The following EDIL3 variants were observed in gnomAD, a reference collection of about 807,000 sequenced individuals.
EDIL3 encodes EGF-like repeat and discoidin I-like domain-containing protein 3.
A neutral mutation model predicts 67.4 loss-of-function variants in EDIL3; 37 were observed. The ratio of observed to expected loss-of-function variants is 0.55; its 90% CI spans 0.42 to 0.72. EDIL3 has a LOEUF of 0.72. Among genes scored for constraint, EDIL3 ranks in the 30% least tolerant of loss-of-function variants. EDIL3 has a pLI of 0.00. For missense variants in EDIL3, 527 were observed against 586.3 expected (o/e 0.90, Z 1.04); for synonymous variants, 195 against 196.3 (o/e 0.99, Z 0.05).
intron 4 of EDIL3, among the ~76,000 whole-genome samples, chr5:84,160,848 CTTTCT>C (rs1458971223): frequency 2.0e-4 from 22 of 111,870 alleles, no homozygotes; most frequent in African/African-American, 3.3e-4. Context: ...TTTTCCTTTC[CTTTCT>C]TTTCTTTTCT....
chr5:84,159,791 C>T (rs1748571882), intron 4 of EDIL3, among the ~76,000 whole-genome samples: 3 of 152,032 alleles, frequency 2.0e-5, no homozygotes. Flanking sequence ...GCATAAAACA[C>T]AGTATTCCCT....
chr5:84,181,327 T>G (rs1749009128), intron 3 of EDIL3: 1 of 152,242 alleles, frequency 6.6e-6, no homozygotes, highest in Non-Finnish European at 1.5e-5. Context: ...CCACAGGATC[T>G]GCTGTGGCAG....
rs150076295 is a variant in EDIL3, at chr5:84,294,301, C to T, written c.68-40089G>A. Among the ~76,000 whole-genome samples the T allele has an allele frequency of 1.6e-3, 229 of 146,322 alleles. 2 individuals carry two copies. In the East Asian group the frequency reaches 0.033, roughly 21 times the overall value. ...TCGGGAGGCTGACGCAGGAGAATGG[C>T]ATGAACCCGGGAGGTGGAGCTTTCA... On this transcript the variant is annotated intron_variant, in intron 1 of 10. Transcript: ENST00000296591.
intron 1 of EDIL3, among the ~76,000 whole-genome samples, chr5:84,312,242 C>A (rs1277064247): frequency 2.2e-5 from 3 of 137,904 alleles, no homozygotes; most frequent in Admixed American, 7.0e-5. Context: ...GGGGGCTGAC[C>A]CCCCCACCTC....
rs1748181897 is a variant in EDIL3 at position 84,384,493 on chromosome 5, G to A, written c.-119C>T. 1.1e-6 allele frequency: 1 copy of A among 938,924 alleles called. No homozygotes were observed. The highest frequency in any genetic ancestry group is 1.6e-6 in the Non-Finnish European group (1 of 611,690). The allele number at this position is 938,924 out of a possible 1,614,324, so 58.2% of individuals were successfully genotyped here. On this transcript the variant is annotated 5_prime_UTR_variant, in exon 1 of 11. It adds an upstream start codon to the 5' untranslated region. Coordinates refer to ENST00000296591, the MANE Select transcript of EDIL3 (RefSeq NM_005711.5). ...CCCCTACTAAAGAATTCAAGAAGAC[G>A]TTCTCTTTCCTCAGCGCTTTGTTAA...
chr5:83,987,184 T>C (rs991096440), intron 9 of EDIL3, among the ~76,000 whole-genome samples: 2 of 152,132 alleles, frequency 1.3e-5, no homozygotes, highest in Admixed American at 1.3e-4. Context: ...AGTCTTCTTA[T>C]GTTTATCTCT....
At chr5:84,073,293 A>G (rs189968389) in intron 6 of EDIL3, among the ~76,000 whole-genome samples, 5,011 of 152,212 alleles carry the variant, frequency 0.033, 198 homozygotes, top group East Asian at 0.12. Context: ...GCACAAGACA[A>G]GGATGCCCTC....
chr5:83,945,068 G>C (rs1278738730), intron 10 of EDIL3, among the ~76,000 whole-genome samples: 1 of 151,974 alleles, frequency 6.6e-6, no homozygotes, highest in Non-Finnish European at 1.5e-5. Context: ...AGGCAGTACG[G>C]CACTGATTAA....
intron 4 of EDIL3, among the ~76,000 whole-genome samples, chr5:84,170,006 T>C (rs1748785226): frequency 6.6e-6 from 1 of 152,200 alleles, no homozygotes; most frequent in Non-Finnish European, 1.5e-5. Context: ...ACTTGGTTAT[T>C]TTGGTTCAGT....
intron 6 of EDIL3, among the ~76,000 whole-genome samples, chr5:84,092,228 A>T (rs201860769): frequency 1.3e-5 from 2 of 152,338 alleles, no homozygotes; most frequent in East Asian, 3.9e-4. Flanking sequence ...GTTACCTTCA[A>T]TCAATTCAGA....
chr5:83,963,152 G>C, intron 10 of EDIL3, 53 bp downstream of exon 10: 1 of 1,534,368 alleles, frequency 6.5e-7, no homozygotes, highest in Non-Finnish European at 8.8e-7. Context: ...TCAAACTTGG[G>C]TGTAATTTGA....
intron 9 of EDIL3, 80 bp downstream of exon 9, chr5:84,060,220 C>T (rs1561418535): frequency 5.2e-6 from 8 of 1,525,506 alleles, no homozygotes. Context: ...AAGGTAACGA[C>T]TCTGACACTC....
intron 3 of EDIL3, among the ~76,000 whole-genome samples, chr5:84,192,349 A>G (rs13354117): frequency 1.3e-5 from 2 of 151,974 alleles, no homozygotes; most frequent in Non-Finnish European, 2.9e-5. Flanking sequence ...TTATGTCTTC[A>G]GTGTTACCTC....
intron 5 of EDIL3, among the ~76,000 whole-genome samples, chr5:84,109,028 T>G (rs1481758972): frequency 6.6e-6 from 1 of 152,170 alleles, no homozygotes; most frequent in Non-Finnish European, 1.5e-5. Flanking sequence ...ACTTCATTGT[T>G]TAATCTATCA....
At chr5:84,176,198 A>ATT (rs1478581402) in intron 4 of EDIL3, among the ~76,000 whole-genome samples, 4 of 77,252 alleles carry the variant, frequency 5.2e-5, no homozygotes, top group African/African-American at 1.5e-4. Context: ...ATATATATAT[A>ATT]ATATATATAT....
intron 1 of EDIL3, among the ~76,000 whole-genome samples, chr5:84,324,088 A>G (rs556401239): frequency 6.6e-6 from 1 of 151,866 alleles, no homozygotes; most frequent in Non-Finnish European, 1.5e-5. Flanking sequence ...AGAACATTCT[A>G]CCCAACAGCA....
intron 4 of EDIL3, among the ~76,000 whole-genome samples, chr5:84,164,851 G>GT (rs750264933): frequency 6.6e-6 from 1 of 152,086 alleles, no homozygotes; most frequent in Non-Finnish European, 1.5e-5. Context: ...GTCTTACAAG[G>GT]TTGAAAGCAG....
chr5:84,074,437 T>G (rs1338303535), intron 6 of EDIL3, among the ~76,000 whole-genome samples: 8 of 152,072 alleles, frequency 5.3e-5, no homozygotes, highest in African/African-American at 7.2e-5. Context: ...GAAAATTTTC[T>G]CAACCTACTC....
intron 1 of EDIL3, among the ~76,000 whole-genome samples, chr5:84,333,907 T>A (rs1021816298): frequency 2.0e-5 from 3 of 152,122 alleles, no homozygotes; most frequent in African/African-American, 7.2e-5. Context: ...ATTAGGGAAG[T>A]AGAGCAAGGG....
Sources: gnomAD v4.1 joint callset for allele counts (sites outside exome capture counted in the v4.1 genomes callset) on GRCh38, gnomAD v4.1.1 for gene constraint, MANE v1.5 for transcripts, NCBI Gene and HGNC (gene_info 2026-07-23, HGNC 2026-07-21) for gene names.